The following ZFPM2 variants were observed in gnomAD, a reference collection of about 807,000 sequenced individuals.
ZFPM2 encodes zinc finger protein ZFPM2.
ZFPM2 carries 20 observed loss-of-function variants against 98.6 expected under a neutral mutation model. The observed-to-expected ratio is 0.20, with a 90% CI of 0.14 to 0.29. ZFPM2 has a LOEUF of 0.29. Ranked by LOEUF, ZFPM2 falls within the 10% of genes least tolerant of loss-of-function variation. The pLI, the probability that ZFPM2 is intolerant of heterozygous loss-of-function variation, is 1.00. For synonymous variants in ZFPM2, 518 were observed against 502.7 expected (o/e 1.03, Z -0.41); for missense variants, 1,310 against 1,388.6 (o/e 0.94, Z 0.90).
At chr8:105,378,907 A>G (rs918699666) in intron 1 of ZFPM2, among the ~76,000 whole-genome samples, 3 of 152,176 alleles carry the variant, frequency 2.0e-5, no homozygotes, top group Non-Finnish European at 4.4e-5. Context: ...TAGGTCAGTC[A>G]ATCAATAGAT....
chr8:105,558,265 C>T (rs967182853), intron 3 of ZFPM2, among the ~76,000 whole-genome samples: 1 of 152,124 alleles, frequency 6.6e-6, no homozygotes, highest in African/African-American at 2.4e-5. Context: ...TTGCGCTATG[C>T]TTGCAGTTTT....
At chr8:105,468,499 GC>G (rs1812836708) in intron 3 of ZFPM2, among the ~76,000 whole-genome samples, 3 of 152,048 alleles carry the variant, frequency 2.0e-5, no homozygotes, top group Admixed American at 1.3e-4. Flanking sequence ...ACTCTACGCA[GC>G]TCCTGGCTTC....
intron 4 of ZFPM2, among the ~76,000 whole-genome samples, chr8:105,575,283 C>T (rs1328467906): frequency 6.6e-6 from 1 of 152,080 alleles, no homozygotes; most frequent in African/African-American, 2.4e-5. Context: ...TAATCTGCGC[C>T]CTGTGGCAGG....
chr8:105,611,856 G>A (rs983016481), intron 4 of ZFPM2, among the ~76,000 whole-genome samples: 1 of 151,634 alleles, frequency 6.6e-6, no homozygotes, highest in African/African-American at 2.4e-5. Context: ...CCACCACCAC[G>A]CCTAGCTAAT....
At chr8:105,510,223 T>G (rs75190263) in intron 3 of ZFPM2, among the ~76,000 whole-genome samples, 4 of 152,162 alleles carry the variant, frequency 2.6e-5, no homozygotes, top group Non-Finnish European at 4.4e-5. Flanking sequence ...TTCTGGAGAC[T>G]GTTAAAGAGC....
At chr8:105,632,734 C>G (rs1039071080) in intron 4 of ZFPM2, among the ~76,000 whole-genome samples, 19 of 152,040 alleles carry the variant, frequency 1.2e-4, no homozygotes, top group African/African-American at 4.6e-4. Flanking sequence ...TTTCGCAAGG[C>G]TTTTAGAGAA....
At chr8:105,562,171 A>G (rs1018126226) in intron 4 of ZFPM2, among the ~76,000 whole-genome samples, 5 of 151,974 alleles carry the variant, frequency 3.3e-5, no homozygotes, top group Admixed American at 2.6e-4. Context: ...TTAGCCAGAC[A>G]TGGTGGCGGG....
chr8:105,591,452 A>T (rs796921005), intron 4 of ZFPM2, among the ~76,000 whole-genome samples: 11 of 152,316 alleles, frequency 7.2e-5, no homozygotes, highest in African/African-American at 2.2e-4. Context: ...TATAGACAGT[A>T]CTGTAAATAC....
chr8:105,802,369 G>A lies in ZFPM2; in HGVS notation c.2287G>A (p.Val763Ile), dbSNP rs117908591. The A allele has an allele frequency of 4.2e-3, 6,720 of 1,613,702 alleles. 18 individuals are homozygous for A. Among genetic ancestry groups the A allele is most frequent in the Non-Finnish European group, 5.1e-3 (6,016 of 1,179,838 alleles). ...ACTGGTTCAGCAGAGATTTCTTGAC[G>A]TAGCCAACCTCAATAATCCTTGTAC... ...PPLVQQRFLD[V>I]ANLNNPCTST... Residue 763 changes from valine to isoleucine, a missense_variant, in exon 8 of 8, where the codon GTA (valine) becomes ATA (isoleucine). Physicochemically the swap from Val to Ile is conservative, Grantham distance 29. Transcript: ENST00000407775.
At chr8:105,781,342 T>C (rs763980377) in intron 5 of ZFPM2, among the ~76,000 whole-genome samples, 6 of 152,202 alleles carry the variant, frequency 3.9e-5, no homozygotes, top group Non-Finnish European at 8.8e-5. Flanking sequence ...GCTTAATGTA[T>C]GTGAAGTGCT....
chr8:105,528,664 A>G (rs1288835014), intron 3 of ZFPM2, among the ~76,000 whole-genome samples: 2 of 152,170 alleles, frequency 1.3e-5, no homozygotes, highest in Non-Finnish European at 2.9e-5. Flanking sequence ...CATGCAACAT[A>G]GTTTGGGTAA....
intron 1 of ZFPM2, among the ~76,000 whole-genome samples, chr8:105,406,949 G>A (rs898719780): frequency 1.3e-5 from 2 of 151,864 alleles, no homozygotes; most frequent in African/African-American, 2.4e-5. Context: ...TGAGCCAAAC[G>A]TTGGCCTGAC....
chr8:105,592,532 A>G (rs1291827790), intron 4 of ZFPM2, among the ~76,000 whole-genome samples: 6 of 152,098 alleles, frequency 3.9e-5, no homozygotes, highest in Non-Finnish European at 7.4e-5. Flanking sequence ...GGATAAATAG[A>G]CTGTGGATAT....
At chr8:105,451,473 G>T (rs1386736767) in intron 3 of ZFPM2, 1 of 152,136 alleles carries the variant, frequency 6.6e-6, no homozygotes, top group African/African-American at 2.4e-5. Context: ...TGGAAATAGG[G>T]TTGTTGGAGA....
At chr8:105,480,007 G>A (rs1018214667) in intron 3 of ZFPM2, among the ~76,000 whole-genome samples, 6 of 152,288 alleles carry the variant, frequency 3.9e-5, no homozygotes, top group South Asian at 2.1e-4. Context: ...TGAACTCCCC[G>A]TTGAGCATCA....
At chr8:105,552,409 G>A (rs575689130) in intron 3 of ZFPM2, among the ~76,000 whole-genome samples, 1 of 152,242 alleles carries the variant, frequency 6.6e-6, no homozygotes, top group South Asian at 2.1e-4. Flanking sequence ...AGTAGTATCA[G>A]GTCAGCTGTG....
intron 3 of ZFPM2, among the ~76,000 whole-genome samples, chr8:105,493,210 CT>C (rs1278968776): frequency 1.3e-5 from 2 of 152,158 alleles, no homozygotes; most frequent in Admixed American, 1.3e-4. Context: ...CAGTTATTAG[CT>C]TGGCCTCATA....
chr8:105,778,377 A>G (rs1448558582), intron 5 of ZFPM2, among the ~76,000 whole-genome samples: 1 of 108,852 alleles, frequency 9.2e-6, no homozygotes, highest in Non-Finnish European at 1.7e-5. Context: ...TTTTCTAATT[A>G]TTTATTTAGT....
intron 3 of ZFPM2, among the ~76,000 whole-genome samples, chr8:105,512,080 G>C (rs1183545864): frequency 6.6e-6 from 1 of 152,174 alleles, no homozygotes; most frequent in African/African-American, 2.4e-5. Flanking sequence ...GGGAGGCGGA[G>C]GCTGCAGTGA....
Sources: allele counts gnomAD v4.1 joint callset (sites outside exome capture counted in the v4.1 genomes callset), GRCh38; gene constraint gnomAD v4.1.1; transcripts MANE v1.5; gene names NCBI Gene and HGNC (gene_info 2026-07-23, HGNC 2026-07-21).